The following MALRD1 variants were observed in gnomAD, a reference collection of about 807,000 sequenced individuals.
The protein encoded by MALRD1 is MAM and LDL-receptor class A domain-containing protein 1.
Under a neutral mutation model 242.1 loss-of-function variants are expected in MALRD1, and 247 were observed. That is an observed-to-expected ratio of 1.02 (90% CI 0.92 to 1.13). MALRD1 has a LOEUF of 1.13. Among genes scored for constraint, MALRD1 ranks in the 50% most tolerant of loss-of-function variants. The probability of loss-of-function intolerance (pLI) is 0.00; values close to 1 mark genes in which losing one functional copy is unlikely to be tolerated. For synonymous variants in MALRD1, 995 were observed against 866.6 expected (o/e 1.15, Z -2.60); for missense variants, 2,989 against 2,533.1 (o/e 1.18, Z -3.86).
intron 14 of MALRD1, among the ~76,000 whole-genome samples, chr10:19,179,085 G>A (rs934040597): frequency 2.0e-5 from 3 of 152,142 alleles, no homozygotes; most frequent in East Asian, 1.9e-4. Flanking sequence ...GCAGGATAGC[G>A]CTCAAAACAC....
At chr10:19,532,345 C>G (rs1438171209) in intron 32 of MALRD1, among the ~76,000 whole-genome samples, 1 of 152,176 alleles carries the variant, frequency 6.6e-6, no homozygotes, top group Non-Finnish European at 1.5e-5. Flanking sequence ...ACCTCCGCCT[C>G]CCAGGTTCAA....
Position 19,519,472 on chromosome 10 carries a change from T to C in MALRD1, c.5321-11722T>C, listed in dbSNP as rs1833783501. 2.6e-5 allele frequency among the ~76,000 whole-genome samples: 4 copies of C among 152,296 alleles called. No homozygotes were observed. In the South Asian group the frequency reaches 8.3e-4, roughly 32 times the overall value. On this transcript the variant is annotated intron_variant, in intron 31 of 39. Transcript: ENST00000454679. Reference sequence around the variant, plus strand: ...TTAGTATCATCTTTTAAAAATAATTTGGTTCTAGACTGGGCACAGAGGCTT... The same window carrying C: ...TTAGTATCATCTTTTAAAAATAATTCGGTTCTAGACTGGGCACAGAGGCTT...
chr10:19,237,526 A>ATG (rs1838378072), intron 18 of MALRD1, among the ~76,000 whole-genome samples: 1 of 134,164 alleles, frequency 7.5e-6, no homozygotes, highest in Non-Finnish European at 1.6e-5. Context: ...ATATATATAT[A>ATG]TATATATATA....
intron 28 of MALRD1, among the ~76,000 whole-genome samples, chr10:19,432,813 A>C (rs1157836276): frequency 6.6e-6 from 1 of 152,246 alleles, no homozygotes; most frequent in African/African-American, 2.4e-5. Context: ...CAATGATTGC[A>C]TTCCTGATAT....
chr10:19,284,548 A>G (rs1311949555), intron 21 of MALRD1, among the ~76,000 whole-genome samples: 3 of 151,244 alleles, frequency 2.0e-5, no homozygotes, highest in African/African-American at 7.3e-5. Context: ...GATGGTTTCC[A>G]GTTTCATCCA....
intron 14 of MALRD1, among the ~76,000 whole-genome samples, chr10:19,179,177 T>C (rs554047626): frequency 2.0e-5 from 3 of 152,322 alleles, no homozygotes; most frequent in Admixed American, 2.0e-4. Context: ...TGTAGTCATA[T>C]TTGTAGAATC....
chr10:19,531,087 T>A (rs1834392998), intron 31 of MALRD1, 107 bp from the exon 32 acceptor site: 8 of 854,830 alleles, frequency 9.4e-6, no homozygotes, highest in Non-Finnish European at 1.3e-5. Flanking sequence ...TCTGTTTGAT[T>A]GTGTGTATGT....
At chr10:19,471,135 A>G (rs4748587) in intron 29 of MALRD1, among the ~76,000 whole-genome samples, 130,875 of 151,816 alleles carry the variant, frequency 0.86, 56,574 homozygotes, top group East Asian at 1. Flanking sequence ...GTTCAGTTGC[A>G]TTCTTGTGCA....
chr10:19,185,187 G>A (rs962732030), intron 14 of MALRD1, among the ~76,000 whole-genome samples: 6 of 152,146 alleles, frequency 3.9e-5, no homozygotes, highest in African/African-American at 1.4e-4. Flanking sequence ...TGTATTAACA[G>A]GACATATATA....
At chr10:19,474,987 G>A (rs543973664) in intron 29 of MALRD1, among the ~76,000 whole-genome samples, 26 of 152,186 alleles carry the variant, frequency 1.7e-4, no homozygotes, top group Non-Finnish European at 3.2e-4. Flanking sequence ...TTTACGTACC[G>A]CTTCATATAG....
chr10:19,716,014 G>T (rs897758937), intron 38 of MALRD1, among the ~76,000 whole-genome samples: 2 of 151,576 alleles, frequency 1.3e-5, no homozygotes, highest in Admixed American at 1.3e-4. Flanking sequence ...TCCAACATTG[G>T]AGGTCACATT....
chr10:19,655,366 C>G (rs1841092649), intron 36 of MALRD1, among the ~76,000 whole-genome samples: 1 of 151,452 alleles, frequency 6.6e-6, no homozygotes, highest in East Asian at 1.9e-4. Context: ...ATTTCTGGCC[C>G]CAATTTCTCC....
rs936972381 is a variant in MALRD1, at chr10:19,689,258, G to A, written c.6138-3024G>A. On this transcript the variant is annotated intron_variant, in intron 36 of 39. Coordinates refer to ENST00000454679, the MANE Select transcript of MALRD1 (RefSeq NM_001142308.3). ...TGTGTGTGTGTGTGTGTATCTGTACGTGTGTGTGTTCTATGAGAAGGTAAA... is the reference window on the plus strand; with the variant it reads ...TGTGTGTGTGTGTGTGTATCTGTACATGTGTGTGTTCTATGAGAAGGTAAA... Among the ~76,000 whole-genome samples, 8 of 152,166 alleles carry A rather than the reference G, an allele frequency of 5.3e-5. No individual in the cohort carries two copies. In the East Asian group the frequency reaches 7.7e-4, roughly 15 times the overall value.
In MALRD1 at chr10:19,485,471, G is replaced by A. The variant is rs996225909; in HGVS notation, c.5030-6046G>A. Among the ~76,000 whole-genome samples, 5 of 152,010 alleles carry A rather than the reference G, an allele frequency of 3.3e-5. No homozygotes were observed. In the East Asian group the frequency reaches 7.8e-4, roughly 24 times the overall value. On this transcript the variant is annotated intron_variant, in intron 29 of 39. Transcript: ENST00000454679. ...ATTCTGGCTAATAGGGTGAAACCCC[G>A]TCTCTACTAAAAATACAAAAAATTA... is the stretch of plus-strand genomic sequence containing the variant.
intron 10 of MALRD1, among the ~76,000 whole-genome samples, chr10:19,144,442 T>C (rs1833660741): frequency 6.6e-6 from 1 of 152,240 alleles, no homozygotes; most frequent in African/African-American, 2.4e-5. Context: ...GGAAGTGGCA[T>C]TGTCATTTGC....
intron 34 of MALRD1, among the ~76,000 whole-genome samples, chr10:19,602,919 T>G (rs1394952764): frequency 6.6e-6 from 1 of 152,152 alleles, no homozygotes; most frequent in Non-Finnish European, 1.5e-5. Context: ...CTCATTGTGG[T>G]TTTGATTTGC....
rs1455451500 is a variant in MALRD1 at position 19,323,980 on chromosome 10, G to A, written c.3451G>A (p.Asp1151Asn). The A allele has an allele frequency of 2.2e-5, 34 of 1,550,636 alleles. No homozygotes were observed. Among genetic ancestry groups the A allele is most frequent in the Admixed American group, 9.8e-5 (5 of 50,946 alleles). ...NTTDGWYLYA[D>N]SSNGKFGDTA... ...CACTGATGGCTGGTACCTGTATGCT[G>A]ACAGTTCTAATGGGAAATTTGGTGA... is the stretch of plus-strand genomic sequence containing the variant. Residue 1151 changes from aspartate to asparagine, a missense_variant, in exon 22 of 40, where the codon GAC becomes AAC. By Grantham distance (23) the Asp-to-Asn change is conservative. Transcript: ENST00000454679.
At chr10:19,282,916 T>C in intron 20 of MALRD1, 103 bp from the exon 21 acceptor site, 1 of 799,090 alleles carries the variant, frequency 1.3e-6, no homozygotes, top group Non-Finnish European at 1.8e-6. Context: ...GTTTAAAAGT[T>C]ACATTAGAAT....
chr10:19,193,861 C>CA (rs1485808820), intron 14 of MALRD1, among the ~76,000 whole-genome samples: 1 of 151,492 alleles, frequency 6.6e-6, no homozygotes, highest in Non-Finnish European at 1.5e-5. Flanking sequence ...TATATACACA[C>CA]ACATATATAT....
Sources: allele counts gnomAD v4.1 joint callset (sites outside exome capture counted in the v4.1 genomes callset), GRCh38; gene constraint gnomAD v4.1.1; transcripts MANE v1.5; gene names NCBI Gene and HGNC (gene_info 2026-07-23, HGNC 2026-07-21).